Variants in PCDHGA3 observed in about 807,000 individuals in gnomAD.
PCDHGA3 encodes the protein protocadherin gamma-A3.
Under a neutral mutation model 58.5 loss-of-function variants are expected in PCDHGA3, and 40 were observed. The ratio of observed to expected loss-of-function variants is 0.68; its 90% CI spans 0.53 to 0.89. The LOEUF (loss-of-function observed/expected upper bound fraction) is 0.89, where lower values mean the gene tolerates loss of function less well. Among genes scored for constraint, PCDHGA3 ranks in the 40% least tolerant of loss-of-function variants. The pLI is 0.00. For missense variants in PCDHGA3, 1,223 were observed against 1,195.9 expected (o/e 1.02, Z -0.33); for synonymous variants, 530 against 525.7 (o/e 1.01, Z -0.11).
intron 1 of PCDHGA3, chr5:141,382,606 GA>G: frequency 3.6e-6 from 1 of 276,248 alleles, no homozygotes; most frequent in African/African-American, 2.2e-5. Flanking sequence ...AATTTTCTAT[GA>G]AATCAGTGTA....
Position 141,477,968 on chromosome 5 carries a change from C to T in PCDHGA3, c.2425-16839C>T. 6.2e-7 allele frequency: 1 copy of T among 1,614,140 alleles called. No individual in the cohort carries two copies. Among genetic ancestry groups the T allele is most frequent in the Non-Finnish European group, 8.5e-7 (1 of 1,180,042 alleles). The stretch of plus-strand genomic sequence containing the variant: ...TCTCTTGGGATCCCCTAACCAGAGC[C>T]TTTTTGCCATAGGGCTGCACACTGG... On this transcript the variant is annotated intron_variant, in intron 1 of 3. Transcript: ENST00000253812. The surrounding 1 kb of genome is among the most constrained non-coding windows in gnomAD (Gnocchi z 4.9).
At chr5:141,424,120 C>A in intron 1 of PCDHGA3, 2 of 650,838 alleles carry the variant, frequency 3.1e-6, no homozygotes, top group Non-Finnish European at 3.9e-6. Context: ...AAATTTTGAT[C>A]CTGTTGATTT....
At chr5:141,448,707 G>A (rs1455790773) in intron 1 of PCDHGA3, among the ~76,000 whole-genome samples, 4 of 152,228 alleles carry the variant, frequency 2.6e-5, no homozygotes, top group South Asian at 2.1e-4. Flanking sequence ...TTGGGAGGCC[G>A]AGGCGGGAGG....
At chr5:141,357,490 C>A in intron 1 of PCDHGA3, 4 of 1,614,218 alleles carry the variant, frequency 2.5e-6, no homozygotes, top group South Asian at 1.1e-5. Flanking sequence ...CGCGGACTCG[C>A]GGAAGAGTCA....
Position 141,344,323 on chromosome 5 carries a change from C to T in PCDHGA3, c.290C>T (p.Ala97Val). The change falls in exon 1 of 4, where the codon GCT (alanine) becomes GTT (valine). Residue 97 changes from alanine to valine, a missense_variant. By Grantham distance (64) the Ala-to-Val change is moderately conservative. This residue lies in a region of PCDHGA3 where 791 missense variants were observed against 708.5 expected (regional missense o/e 1.12). Coordinates refer to ENST00000253812, the MANE Select transcript of PCDHGA3 (RefSeq NM_018916.4). ...AGGATAGACCGGGAGGAGCTCTGCG[C>T]TCAGATCCCGCTGTGTCTGGTAAAA... ...AERIDREELC[A>V]QIPLCLVKIN... 3.7e-6 allele frequency: 6 copies of T among 1,614,032 alleles called. No homozygotes were observed. The highest frequency in any genetic ancestry group is 2.5e-6 in the Non-Finnish European group (3 of 1,179,914).
intron 1 of PCDHGA3, among the ~76,000 whole-genome samples, chr5:141,381,134 C>T (rs1034042035): frequency 2.0e-5 from 3 of 152,196 alleles, no homozygotes; most frequent in African/African-American, 7.2e-5. Context: ...GGAGCAATGC[C>T]ACCAGAAAGC....
intron 1 of PCDHGA3, chr5:141,416,673 C>A (rs1259750007): frequency 6.6e-6 from 1 of 151,958 alleles, no homozygotes; most frequent in Non-Finnish European, 1.5e-5. Flanking sequence ...ATATATGCAA[C>A]GAAGGGAAAT....
Position 141,476,646 on chromosome 5 carries a change from A to G in PCDHGA3, c.2425-18161A>G, listed in dbSNP as rs771366262. 1.9e-6 allele frequency: 3 copies of G among 1,614,132 alleles called. No homozygotes were observed. The highest frequency in any genetic ancestry group is 1.7e-5 in the Admixed American group (1 of 60,010). ...TTACAAACCTATGAGCTGAGCCGAA[A>G]TGAATACTTTGCGCTTCGCGTGCAG... On this transcript the variant is annotated intron_variant, in intron 1 of 3. Transcript: ENST00000253812. This position sits in a 1 kb window ranked among gnomAD's most constrained non-coding sequence, Gnocchi z 7.6.
rs754836894 is a variant in PCDHGA3 at position 141,432,969 on chromosome 5, C to G, written c.2425-61838C>G. ...GGAGGCGGCTTGACAGGAGCGCCGG[C>G]GTCGCACTTTGTGGGCGTGGACGGG... On this transcript the variant is annotated intron_variant, in intron 1 of 3. Coordinates refer to ENST00000253812, the MANE Select transcript of PCDHGA3 (RefSeq NM_018916.4). The surrounding 1 kb of genome is among the most constrained non-coding windows in gnomAD (Gnocchi z 6.0). 5.0e-6 allele frequency: 8 copies of G among 1,614,030 alleles called. No homozygotes were observed. In the Admixed American group the frequency reaches 5.0e-5, roughly 10 times the overall value.
rs962731987 is a variant in PCDHGA3, at chr5:141,346,286, G to A, written c.2253G>A (p.Gln751=). ...CGGACGGGGTTCGGGCTTTCCTGCA[G>A]ACCTATTCCCACGAGGTCTCCCTCA... ...VGADGVRAFL[Q]TYSHEVSLTA... Residue 751 remains glutamine (Q), a synonymous_variant, in exon 1 of 4, where the codon CAG becomes CAA. Transcript: ENST00000253812. 1.9e-5 allele frequency: 31 copies of A among 1,614,092 alleles called. No homozygotes were observed. Among genetic ancestry groups the A allele is most frequent in the Non-Finnish European group, 2.3e-5 (27 of 1,180,044 alleles).
Position 141,365,477 on chromosome 5 carries a change from G to C in PCDHGA3, c.2424+19020G>C, listed in dbSNP as rs1313956190. ...TGATTCTGGAGAAAATGGTGAGATT[G>C]CATGCTCTATTCCTAGGAATTTGCC... On this transcript the variant is annotated intron_variant, in intron 1 of 3. Transcript: ENST00000253812. 3.7e-6 allele frequency: 6 copies of C among 1,613,876 alleles called. No individual in the cohort carries two copies. The African/African-American group carries it at 8.0e-5, about 22-fold the overall frequency.
chr5:141,483,811 C>A (rs1252197546), intron 1 of PCDHGA3, among the ~76,000 whole-genome samples: 1 of 152,102 alleles, frequency 6.6e-6, no homozygotes, highest in Non-Finnish European at 1.5e-5. Flanking sequence ...CTTTTTTTGG[C>A]AGCCAGTGTA....
intron 1 of PCDHGA3, chr5:141,417,205 C>G (rs1217296715): frequency 6.6e-6 from 1 of 151,986 alleles, no homozygotes; most frequent in Non-Finnish European, 1.5e-5. Context: ...TGAATATAGG[C>G]TAGAATTGAA....
At chr5:141,346,493 A>G (rs1757760046) in intron 1 of PCDHGA3, 36 bp downstream of exon 1, 2 of 1,612,488 alleles carry the variant, frequency 1.2e-6, no homozygotes, top group Non-Finnish European at 1.7e-6. Context: ...TTAAGAACAA[A>G]TATGAGAATG....
chr5:141,352,605 C>T (rs772049810), intron 1 of PCDHGA3: 1 of 1,613,500 alleles, frequency 6.2e-7, no homozygotes, highest in East Asian at 2.2e-5. Context: ...GATGATCCTT[C>T]TATGGTTGTA....
chr5:141,456,748 A>C (rs1448893002), intron 1 of PCDHGA3, among the ~76,000 whole-genome samples: 1 of 151,852 alleles, frequency 6.6e-6, no homozygotes, highest in Non-Finnish European at 1.5e-5. Context: ...GAGCATCATG[A>C]GGTCAGGAGT....
At chr5:141,384,653 G>T in intron 1 of PCDHGA3, 1 of 1,614,222 alleles carries the variant, frequency 6.2e-7, no homozygotes, top group Non-Finnish European at 8.5e-7. Context: ...GCAGAGCCCG[G>T]CTACCTGGTG....
At chr5:141,509,625 G>T (rs915049847) in intron 3 of PCDHGA3, among the ~76,000 whole-genome samples, 1 of 152,186 alleles carries the variant, frequency 6.6e-6, no homozygotes, top group Non-Finnish European at 1.5e-5. Flanking sequence ...AAGTTCCTGG[G>T]TGATGCTGAG....
intron 1 of PCDHGA3, chr5:141,468,662 C>G (rs1381049343): frequency 6.6e-6 from 1 of 150,534 alleles, no homozygotes; most frequent in East Asian, 2.0e-4. Context: ...GTCAGGAGAT[C>G]AAGACCATCC....
Sources: allele counts gnomAD v4.1 joint callset (sites outside exome capture counted in the v4.1 genomes callset), GRCh38; gene constraint gnomAD v4.1.1; regional missense constraint gnomAD v4.1.1; non-coding constraint Gnocchi (gnomAD v3.1); transcripts MANE v1.5; gene names NCBI Gene and HGNC (gene_info 2026-07-23, HGNC 2026-07-21).